The following LINGO2 variants were observed in gnomAD, a reference collection of about 807,000 sequenced individuals.
LINGO2 encodes leucine rich repeat and Ig domain containing 2, also known as leucine-rich repeat and immunoglobulin-like domain-containing nogo receptor-interacting protein 2.
Under a neutral mutation model 30.6 loss-of-function variants are expected in LINGO2, and 14 were observed. The ratio of observed to expected loss-of-function variants is 0.46; its 90% CI spans 0.30 to 0.72. The LOEUF (loss-of-function observed/expected upper bound fraction) is 0.72, where lower values mean the gene tolerates loss of function less well. Among genes scored for constraint, LINGO2 ranks in the 30% least tolerant of loss-of-function variants. LINGO2 has a pLI of 0.07. For synonymous variants in LINGO2, 317 were observed against 288.5 expected (o/e 1.10, Z -1.00); for missense variants, 729 against 751.7 (o/e 0.97, Z 0.35).
At chr9:28,215,160 C>G (rs1160534288) in intron 4 of LINGO2, among the ~76,000 whole-genome samples, 1 of 151,674 alleles carries the variant, frequency 6.6e-6, no homozygotes, top group African/African-American at 2.4e-5. Flanking sequence ...AAGATACCCT[C>G]AAAAGCCAGA....
At chr9:28,924,142 C>T in the LINGO2 span, among the ~76,000 whole-genome samples, 1 of 152,158 alleles carries the variant, frequency 6.6e-6, no homozygotes, top group Non-Finnish European at 1.5e-5. Flanking sequence ...TACTTTAACT[C>T]CCCTGGTTTC....
At chr9:29,198,982 A>G in the LINGO2 span, among the ~76,000 whole-genome samples, 105,598 of 151,914 alleles carry the variant, frequency 0.7, 37,217 homozygotes, top group East Asian at 0.82. Context: ...AATAGGCTAC[A>G]TTAGGCTGTG....
intron 4 of LINGO2, among the ~76,000 whole-genome samples, chr9:28,289,631 T>G (rs1823644712): frequency 6.6e-6 from 1 of 152,210 alleles, no homozygotes; most frequent in African/African-American, 2.4e-5. Flanking sequence ...GACTTAATTT[T>G]ATCTCCCTTT....
the LINGO2 span, among the ~76,000 whole-genome samples, chr9:29,059,721 C>A: frequency 2.0e-5 from 3 of 151,956 alleles, no homozygotes; most frequent in African/African-American, 7.2e-5. Flanking sequence ...ATCAGCCTGA[C>A]GTTATCATAA....
intron 4 of LINGO2, among the ~76,000 whole-genome samples, chr9:28,246,634 C>G (rs1278793622): frequency 1.3e-5 from 2 of 151,798 alleles, no homozygotes; most frequent in Non-Finnish European, 2.9e-5. Context: ...ATATAAAACC[C>G]AAAACCATAA....
At chr9:28,003,235 G>C (rs1044401479) in intron 5 of LINGO2, among the ~76,000 whole-genome samples, 3 of 151,914 alleles carry the variant, frequency 2.0e-5, no homozygotes, top group African/African-American at 7.3e-5. Context: ...TTTATTCCTT[G>C]ATTTAATTCA....
chr9:28,599,461 G>T (rs895704442), intron 1 of LINGO2, among the ~76,000 whole-genome samples: 1 of 152,056 alleles, frequency 6.6e-6, no homozygotes, highest in East Asian at 1.9e-4. Context: ...ATTGTTGGTG[G>T]CTTGTTAAAT....
At chr9:28,993,884 A>G in the LINGO2 span, among the ~76,000 whole-genome samples, 2 of 152,130 alleles carry the variant, frequency 1.3e-5, no homozygotes, top group Non-Finnish European at 1.5e-5. Context: ...AATTAGAGCT[A>G]TCTATGACAG....
At chr9:29,063,406 C>CT in the LINGO2 span, among the ~76,000 whole-genome samples, 7,653 of 142,690 alleles carry the variant, frequency 0.054, 258 homozygotes, top group Non-Finnish European at 0.085. Flanking sequence ...CTATTTACAC[C>CT]TTTTTTTTTT....
intron 4 of LINGO2, among the ~76,000 whole-genome samples, chr9:28,255,676 C>T (rs1293849188): frequency 6.6e-6 from 1 of 152,094 alleles, no homozygotes; most frequent in African/African-American, 2.4e-5. Context: ...AATAAACATT[C>T]ATCTTTGACT....
the LINGO2 span, among the ~76,000 whole-genome samples, chr9:28,999,972 A>C: frequency 2.0e-5 from 3 of 151,944 alleles, no homozygotes; most frequent in South Asian, 2.1e-4. Context: ...ACTTCACCCA[A>C]CTCTCAAAAT....
intron 1 of LINGO2, among the ~76,000 whole-genome samples, chr9:28,561,121 G>A (rs557494038): frequency 4.7e-4 from 72 of 152,054 alleles, no homozygotes; most frequent in African/African-American, 1.6e-3. Context: ...TACATGATAC[G>A]ATACTTATCA....
At chr9:29,067,539 C>A in the LINGO2 span, among the ~76,000 whole-genome samples, 1 of 151,282 alleles carries the variant, frequency 6.6e-6, no homozygotes, top group Non-Finnish European at 1.5e-5. Flanking sequence ...CAAGTTTTGA[C>A]AAAAACACGG....
the LINGO2 span, among the ~76,000 whole-genome samples, chr9:29,168,453 T>C: frequency 6.6e-6 from 1 of 152,300 alleles, no homozygotes; most frequent in South Asian, 2.1e-4. Context: ...CACACTTGCC[T>C]AGGATTGTTC....
the LINGO2 span, among the ~76,000 whole-genome samples, chr9:28,956,266 T>C: frequency 1.3e-5 from 2 of 152,048 alleles, no homozygotes; most frequent in African/African-American, 2.4e-5. Context: ...GTAATCTTAG[T>C]TGGAGAGGGG....
the LINGO2 span, among the ~76,000 whole-genome samples, chr9:29,035,366 G>A: frequency 6.6e-6 from 1 of 151,928 alleles, no homozygotes; most frequent in African/African-American, 2.4e-5. Context: ...CATTTAGTTT[G>A]ACAATATTCT....
chr9:28,518,181 A>T (rs111430646), intron 1 of LINGO2, among the ~76,000 whole-genome samples: 6 of 152,164 alleles, frequency 3.9e-5, no homozygotes, highest in Non-Finnish European at 7.4e-5. Context: ...CCATTTTAAA[A>T]ATGAGAAAAT....
chr9:28,978,463 G>C, the LINGO2 span, among the ~76,000 whole-genome samples: 2 of 152,128 alleles, frequency 1.3e-5, no homozygotes, highest in East Asian at 3.9e-4. Flanking sequence ...GTGAGGCTGT[G>C]GGGAGGAAAC....
chr9:27,949,237 C>A, exon 6 of LINGO2: 2 of 1,614,052 alleles, frequency 1.2e-6, no homozygotes, highest in Non-Finnish European at 1.7e-6. Context: ...ACATACATCC[C>A]GCTGTCTTGA....
Sources: allele counts gnomAD v4.1 joint callset (sites outside exome capture counted in the v4.1 genomes callset), GRCh38; gene constraint gnomAD v4.1.1; transcripts MANE v1.5; gene names NCBI Gene and HGNC (gene_info 2026-07-23, HGNC 2026-07-21).